SH3PXD2A: variants seen among roughly 807,000 people sequenced by gnomAD.
SH3PXD2A encodes SH3 and PX domains 2A.
SH3PXD2A carries 32 observed loss-of-function variants against 115.2 expected under a neutral mutation model. The ratio of observed to expected loss-of-function variants is 0.28; its 90% CI spans 0.21 to 0.37. The LOEUF is 0.37. Among genes scored for constraint, SH3PXD2A ranks in the 10% least tolerant of loss-of-function variants. The pLI, the probability that SH3PXD2A is intolerant of heterozygous loss-of-function variation, is 1.00. For missense variants in SH3PXD2A, 1,328 were observed against 1,498.7 expected (o/e 0.89, Z 1.88); for synonymous variants, 610 against 629.1 (o/e 0.97, Z 0.45).
Position 103,642,559 on chromosome 10 carries a change from T to C in SH3PXD2A, c.605-15357A>G, listed in dbSNP as rs537938621. 3.7e-4 allele frequency among the ~76,000 whole-genome samples: 57 copies of C among 152,262 alleles called. No homozygotes were observed. In the South Asian group the frequency reaches 8.5e-3, roughly 23 times the overall value. On this transcript the variant is annotated intron_variant, in intron 8 of 14. Transcript: ENST00000369774. Reference sequence around the variant, plus strand: ...CTAGTGTGGTGCCTGGTCCTTCAGATTGGCTGAAGGAAGAGACTGAAGAAT... The same window carrying C: ...CTAGTGTGGTGCCTGGTCCTTCAGACTGGCTGAAGGAAGAGACTGAAGAAT...
intron 13 of SH3PXD2A, among the ~76,000 whole-genome samples, chr10:103,606,689 G>C (rs989616479): frequency 1.1e-4 from 16 of 152,148 alleles, no homozygotes; most frequent in African/African-American, 3.9e-4. Context: ...TGGAGACGGG[G>C]TTTCGCTGTG....
chr10:103,807,575 A>C (rs1472493938), intron 1 of SH3PXD2A, among the ~76,000 whole-genome samples: 1 of 152,230 alleles, frequency 6.6e-6, no homozygotes, highest in Non-Finnish European at 1.5e-5. Flanking sequence ...TGCCTGGTCA[A>C]GTGGACATGT....
chr10:103,813,428 C>G (rs2039292077), intron 1 of SH3PXD2A, among the ~76,000 whole-genome samples: 1 of 152,106 alleles, frequency 6.6e-6, no homozygotes, highest in Non-Finnish European at 1.5e-5. Flanking sequence ...GAAGTCCTCC[C>G]CGCTCAGCCT....
intron 1 of SH3PXD2A, among the ~76,000 whole-genome samples, chr10:103,830,032 T>C (rs1351074408): frequency 6.6e-6 from 1 of 152,062 alleles, no homozygotes; most frequent in Non-Finnish European, 1.5e-5. Context: ...GGTGAAGCAA[T>C]ACCTCTCAGG....
intron 5 of SH3PXD2A, among the ~76,000 whole-genome samples, chr10:103,707,032 C>A (rs797000358): frequency 1.3e-5 from 2 of 152,180 alleles, no homozygotes; most frequent in South Asian, 4.1e-4. Context: ...ATGTCCTGCA[C>A]TATTGCCTCA....
chr10:103,752,755 T>C (rs1260535847), intron 3 of SH3PXD2A, among the ~76,000 whole-genome samples: 1 of 152,224 alleles, frequency 6.6e-6, no homozygotes, highest in Non-Finnish European at 1.5e-5. Context: ...CAGTACTCTG[T>C]TGAATCGTGG....
chr10:103,786,252 C>A (rs192058759), intron 2 of SH3PXD2A, among the ~76,000 whole-genome samples: 1 of 152,188 alleles, frequency 6.6e-6, no homozygotes, highest in South Asian at 2.1e-4. Flanking sequence ...CAGAGAGGAA[C>A]GGCTTAGCGC....
intron 2 of SH3PXD2A, among the ~76,000 whole-genome samples, chr10:103,791,223 C>T (rs917950046): frequency 3.3e-5 from 5 of 152,214 alleles, no homozygotes; most frequent in Non-Finnish European, 7.3e-5. Flanking sequence ...GCTGGGGGTG[C>T]AGCAAAGGGC....
At chr10:103,767,403 A>C (rs55909417) in intron 2 of SH3PXD2A, among the ~76,000 whole-genome samples, 26,055 of 152,098 alleles carry the variant, frequency 0.17, 2,719 homozygotes, top group East Asian at 0.29. Context: ...AGCGGGTAGG[A>C]GTGCAGGGGA....
At chr10:103,660,949 AC>A in intron 8 of SH3PXD2A, 33 bp downstream of exon 8, 1 of 1,610,852 alleles carries the variant, frequency 6.2e-7, no homozygotes, top group Non-Finnish European at 8.5e-7. Flanking sequence ...CCAGACCGGA[AC>A]CCCAGTGGAC....
At position 103,613,015 on chromosome 10, in the gene SH3PXD2A, C is replaced by T. The variant is rs2036452014; in HGVS notation, c.1096G>A (p.Gly366Ser). 1 of 1,614,254 alleles carries T rather than the reference C, an allele frequency of 6.2e-7. No homozygotes were observed. The highest frequency in any genetic ancestry group is 8.5e-7 in the Non-Finnish European group (1 of 1,180,046). ...GCAATGGGGGCCTCATGGCCCTCGC[C>T]TTCGGCTGGTGGAGTTTCCTTGTCC... Reference protein sequence around the residue: ...SGDKETPPAEGEGHEAPIAKK... With the variant: ...SGDKETPPAESEGHEAPIAKK... Residue 366 changes from glycine to serine, a missense_variant, in exon 12 of 15, where the codon GGC (glycine) becomes AGC (serine). Transcript: ENST00000369774.
rs570812241 is a variant in SH3PXD2A at position 103,739,764 on chromosome 10, T to C, written c.230-3956A>G. 3.6e-4 allele frequency among the ~76,000 whole-genome samples: 55 copies of C among 152,240 alleles called. 1 individual carries two copies. The highest frequency in any genetic ancestry group is 1.3e-3 in the African/African-American group (53 of 41,520). ...GCACGGGGCATGAGACAGACCTAAC[T>C]CATCAGGATTAACTCAGTCCTGAAA... On this transcript the variant is annotated intron_variant, in intron 3 of 14. Transcript: ENST00000369774.
intron 4 of SH3PXD2A, among the ~76,000 whole-genome samples, chr10:103,731,684 T>A (rs769730267): frequency 2.0e-5 from 3 of 152,156 alleles, no homozygotes; most frequent in Admixed American, 6.6e-5. Flanking sequence ...GGTCTGCTTT[T>A]AGAACAAGGA....
chr10:103,789,616 G>T (rs576688472), intron 2 of SH3PXD2A, among the ~76,000 whole-genome samples: 5 of 152,296 alleles, frequency 3.3e-5, no homozygotes, highest in Admixed American at 6.5e-5. Context: ...TTTGGAGGGG[G>T]GCACTGTCAC....
chr10:103,636,426 AAGAGT>A (rs1171304983), intron 8 of SH3PXD2A, among the ~76,000 whole-genome samples: 1 of 151,818 alleles, frequency 6.6e-6, no homozygotes, highest in Non-Finnish European at 1.5e-5. Context: ...AAAAAAAAAA[AAGAGT>A]AGAGATGGAA....
intron 8 of SH3PXD2A, among the ~76,000 whole-genome samples, chr10:103,650,942 C>T (rs1465031972): frequency 6.6e-6 from 1 of 152,214 alleles, no homozygotes; most frequent in African/African-American, 2.4e-5. Flanking sequence ...GCTGGCCATG[C>T]CACAGGGCAC....
rs2036210934 is a variant in SH3PXD2A at position 103,601,292 on chromosome 10, T to C, written c.*524A>G. On this transcript the variant is annotated 3_prime_UTR_variant, in exon 15 of 15. Coordinates refer to ENST00000369774, the MANE Select transcript of SH3PXD2A (RefSeq NM_001394015.1). ...CCTGAAAGCCAGTGGTGGCTTCTAATGTACCCACCTGTGGTAGGCGTGGCA... is the reference window on the plus strand; with the variant it reads ...CCTGAAAGCCAGTGGTGGCTTCTAACGTACCCACCTGTGGTAGGCGTGGCA... 1 of 152,834 alleles carries C rather than the reference T, an allele frequency of 6.5e-6. No homozygotes were observed. The highest frequency in any genetic ancestry group is 2.4e-5 in the African/African-American group (1 of 41,456). 9.5% of individuals were successfully genotyped at this position (152,834 alleles called of 1,614,324 possible).
intron 1 of SH3PXD2A, among the ~76,000 whole-genome samples, chr10:103,847,947 AAAAAACC>A (rs973843296): frequency 0.023 from 86 of 3,662 alleles, no homozygotes; most frequent in Non-Finnish European, 0.11. Context: ...TCAAAAAAAA[AAAAAACC>A]AACTAAAACA....
In SH3PXD2A at chr10:103,601,845, G is replaced by A; in HGVS notation, c.3373C>T (p.Pro1125Ser). Residue 1125 changes from proline (P) to serine (S), a missense_variant, in exon 15 of 15, where the codon CCT becomes TCT. Coordinates refer to ENST00000369774, the MANE Select transcript of SH3PXD2A (RefSeq NM_001394015.1). ...TTCTTTTTCTCAAGGTAGTTGGAAG[G>A]CACCCAGCCTTTGAAGGGCTTCACA... ...DGVKPFKGWV[P>S]SNYLEKKN 1 of 1,610,522 alleles carries A rather than the reference G, an allele frequency of 6.2e-7. No individual in the cohort carries two copies. The highest frequency in any genetic ancestry group is 1.1e-5 in the South Asian group (1 of 90,602).
Sources: allele counts gnomAD v4.1 joint callset (sites outside exome capture counted in the v4.1 genomes callset), GRCh38; gene constraint gnomAD v4.1.1; transcripts MANE v1.5; gene names NCBI Gene and HGNC (gene_info 2026-07-23, HGNC 2026-07-21).